Variants in ANKHD1 observed in about 807,000 individuals in gnomAD.
ANKHD1 encodes the protein ankyrin repeat and KH domain-containing protein 1.
In ANKHD1, 31 loss-of-function variants were observed where a neutral mutation model predicts 230.5. The ratio of observed to expected loss-of-function variants is 0.13; its 90% CI spans 0.10 to 0.18. ANKHD1 has a LOEUF of 0.18. ANKHD1 is among the 10% of genes least tolerant of loss of function. The probability of loss-of-function intolerance (pLI) is 1.00; values close to 1 mark genes in which losing one functional copy is unlikely to be tolerated. For synonymous variants in ANKHD1, 1,074 were observed against 1,117.6 expected, an observed-to-expected ratio of 0.96 and a Z score of 0.78; for missense variants, 2,256 against 3,071.3, an observed-to-expected ratio of 0.73 and a Z score of 6.27.
At chr5:140,421,925 G>A (rs1772014649) in intron 1 of ANKHD1, among the ~76,000 whole-genome samples, 1 of 152,138 alleles carries the variant, frequency 6.6e-6, no homozygotes, top group African/African-American at 2.4e-5. Context: ...AGAATTATAT[G>A]ATGATATAGT....
intron 1 of ANKHD1, among the ~76,000 whole-genome samples, chr5:140,414,855 G>T (rs543134230): frequency 3.7e-4 from 54 of 146,344 alleles, no homozygotes; most frequent in Admixed American, 1.2e-3. Flanking sequence ...AAAAAAAATT[G>T]TGTTGTTTGT....
intron 5 of ANKHD1, among the ~76,000 whole-genome samples, chr5:140,444,038 G>GTGA (rs1439767783): frequency 6.6e-6 from 1 of 150,846 alleles, no homozygotes; most frequent in East Asian, 1.9e-4. Flanking sequence ...TAAAAAGTAG[G>GTGA]TGAACATTTT....
intron 24 of ANKHD1, among the ~76,000 whole-genome samples, chr5:140,518,637 C>T (rs1323561243): frequency 4.6e-5 from 7 of 151,264 alleles, no homozygotes; most frequent in African/African-American, 1.2e-4. Flanking sequence ...GTTCAGTATA[C>T]GCAAATCAAT....
intron 10 of ANKHD1, among the ~76,000 whole-genome samples, chr5:140,475,572 TAA>T (rs35783464): frequency 5.3e-5 from 8 of 150,470 alleles, no homozygotes. Context: ...CCAAAAAAAC[TAA>T]AAAAAAGGGG....
At chr5:140,476,204 A>T (rs751377995) in intron 10 of ANKHD1, among the ~76,000 whole-genome samples, 10 of 152,062 alleles carry the variant, frequency 6.6e-5, no homozygotes, top group Non-Finnish European at 1.2e-4. Flanking sequence ...TATAGTAAAG[A>T]GATAGAAAAT....
intron 22 of ANKHD1, among the ~76,000 whole-genome samples, chr5:140,512,158 C>G (rs1430463130): frequency 6.6e-6 from 1 of 151,768 alleles, no homozygotes; most frequent in African/African-American, 2.4e-5. Flanking sequence ...GTTGCTAGAA[C>G]CCGGGAGGCG....
intron 1 of ANKHD1, among the ~76,000 whole-genome samples, chr5:140,410,301 T>TA (rs896649949): frequency 3.9e-5 from 6 of 152,154 alleles, no homozygotes; most frequent in Non-Finnish European, 7.4e-5. Context: ...TAGACTTTTT[T>TA]AAAAAATTAA....
intron 1 of ANKHD1, among the ~76,000 whole-genome samples, chr5:140,429,219 G>C (rs913091906): frequency 1.3e-5 from 2 of 149,846 alleles, no homozygotes; most frequent in Non-Finnish European, 3.0e-5. Context: ...TCAGCCTCCC[G>C]AGTAGCTGGG....
intron 1 of ANKHD1, among the ~76,000 whole-genome samples, chr5:140,408,584 G>A (rs1277808915): frequency 1.3e-5 from 2 of 152,130 alleles, no homozygotes; most frequent in Non-Finnish European, 2.9e-5. Context: ...AAAAGCAAAA[G>A]TCATACAGAA....
chr5:140,430,865 A>G (rs747176069), intron 1 of ANKHD1, among the ~76,000 whole-genome samples: 26 of 151,944 alleles, frequency 1.7e-4, no homozygotes, highest in Non-Finnish European at 3.7e-4. Context: ...AGGTCTCACT[A>G]TGTTGCCCAG....
chr5:140,484,997 A>T, intron 11 of ANKHD1, 124 bp from the exon 12 acceptor site: 1 of 1,374,112 alleles, frequency 7.3e-7, no homozygotes, highest in Non-Finnish European at 9.5e-7. Context: ...CAAACTATAC[A>T]CTTAATGATT....
chr5:140,451,331 G>A (rs911867141), intron 7 of ANKHD1, among the ~76,000 whole-genome samples: 5 of 152,078 alleles, frequency 3.3e-5, no homozygotes, highest in South Asian at 2.1e-4. Context: ...AGATGACTCA[G>A]TACAGTAATT....
At chr5:140,533,238 A>G (rs1753915038) in intron 29 of ANKHD1, among the ~76,000 whole-genome samples, 1 of 152,168 alleles carries the variant, frequency 6.6e-6, no homozygotes. Context: ...ACTTGAACCC[A>G]GGAGTTCGAG....
chr5:140,429,280 G>A (rs1372724615), intron 1 of ANKHD1, among the ~76,000 whole-genome samples: 1 of 151,476 alleles, frequency 6.6e-6, no homozygotes, highest in African/African-American at 2.4e-5. Context: ...TTTTAGTAAA[G>A]ACGGGGTTTC....
Position 140,525,993 on chromosome 5 carries a change from C to T in ANKHD1, c.4493-3C>T. ...TGATTTTTATTCTTTTTAACAATTT[C>T]AGTGGAGCAAGAAGTTCCCATAGAA... On this transcript the variant is annotated splice_region_variant and splice_polypyrimidine_tract_variant and intron_variant, in intron 25 of 33. Coordinates refer to ENST00000360839, the MANE Select transcript of ANKHD1 (RefSeq NM_017747.3). 1.9e-6 allele frequency: 3 copies of T among 1,561,308 alleles called. No homozygotes were observed. Among genetic ancestry groups the T allele is most frequent in the Non-Finnish European group, 2.6e-6 (3 of 1,160,712 alleles).
rs751395654 is a variant in ANKHD1 at position 140,507,751 on chromosome 5, T to G, written c.3552-34T>G. 1 of 1,602,896 alleles carries G rather than the reference T, an allele frequency of 6.2e-7. No homozygotes were observed. The highest frequency in any genetic ancestry group is 8.5e-7 in the Non-Finnish European group (1 of 1,172,276). ...TTTTCTAAAATAATAGGCAACATAT[T>G]ATTTTAATTTTCTAAGCACATTTCC... On this transcript the variant is annotated intron_variant, in intron 19 of 33. Transcript: ENST00000360839. This position sits in a 1 kb window ranked among gnomAD's most constrained non-coding sequence, Gnocchi z 4.1.
intron 1 of ANKHD1, among the ~76,000 whole-genome samples, chr5:140,428,443 G>C (rs1050210602): frequency 6.6e-6 from 1 of 152,014 alleles, no homozygotes; most frequent in Non-Finnish European, 1.5e-5. Context: ...AGACCAGCCC[G>C]GCCAACACAG....
chr5:140,442,571 TC>T (rs1311982900), intron 5 of ANKHD1, among the ~76,000 whole-genome samples: 1 of 152,136 alleles, frequency 6.6e-6, no homozygotes, highest in African/African-American at 2.4e-5. Flanking sequence ...TGAAAGTGGC[TC>T]CCTGTATTAA....
intron 7 of ANKHD1, among the ~76,000 whole-genome samples, chr5:140,456,959 C>G (rs1775241401): frequency 6.6e-6 from 1 of 152,174 alleles, no homozygotes; most frequent in Non-Finnish European, 1.5e-5. Context: ...ATCTACTTAT[C>G]TGACAAAGGG....
Sources: allele counts gnomAD v4.1 joint callset (sites outside exome capture counted in the v4.1 genomes callset), GRCh38; gene constraint gnomAD v4.1.1; non-coding constraint Gnocchi (gnomAD v3.1); transcripts MANE v1.5; gene names NCBI Gene and HGNC (gene_info 2026-07-23, HGNC 2026-07-21).